Variants in ERBB4 observed in about 807,000 individuals in gnomAD.
ERBB4 encodes the protein receptor tyrosine-protein kinase erbB-4.
A neutral mutation model predicts 158.0 loss-of-function variants in ERBB4; 42 were observed. The ratio of observed to expected loss-of-function variants is 0.27; its 90% CI spans 0.21 to 0.34. The LOEUF is 0.34. Among genes scored for constraint, ERBB4 ranks in the 10% least tolerant of loss-of-function variants. ERBB4 has a pLI of 1.00. For synonymous variants in ERBB4, 583 were observed against 558.7 expected (o/e 1.04, Z -0.61); for missense variants, 1,333 against 1,624.1 (o/e 0.82, Z 3.08).
chr2:212,095,116 T>C (rs889264485), intron 2 of ERBB4, among the ~76,000 whole-genome samples: 2 of 152,196 alleles, frequency 1.3e-5, no homozygotes, highest in African/African-American at 4.8e-5. Context: ...TCTTGATTGC[T>C]AGATTGTAAG....
intron 1 of ERBB4, among the ~76,000 whole-genome samples, chr2:212,223,345 T>C (rs1241007614): frequency 1.4e-5 from 2 of 147,336 alleles, no homozygotes; most frequent in African/African-American, 4.9e-5. Context: ...TATATATATA[T>C]ATATAAAATT....
intron 1 of ERBB4, among the ~76,000 whole-genome samples, chr2:212,472,241 G>T (rs1486487876): frequency 7.4e-6 from 1 of 135,574 alleles, no homozygotes; most frequent in Non-Finnish European, 1.6e-5. Flanking sequence ...AGAGACCCAG[G>T]AGAGAGAGGA....
intron 1 of ERBB4, among the ~76,000 whole-genome samples, chr2:212,130,313 A>G (rs1241431239): frequency 6.6e-6 from 1 of 152,146 alleles, no homozygotes; most frequent in Non-Finnish European, 1.5e-5. Flanking sequence ...GTCCTAATAA[A>G]ATCCTCAATT....
chr2:212,436,201 T>A (rs947731818), intron 1 of ERBB4, among the ~76,000 whole-genome samples: 1 of 151,804 alleles, frequency 6.6e-6, no homozygotes, highest in Non-Finnish European at 1.5e-5. Context: ...ACATGGTAAA[T>A]AAAAAACCTC....
At chr2:212,055,012 C>G (rs1451656644) in intron 2 of ERBB4, among the ~76,000 whole-genome samples, 1 of 152,116 alleles carries the variant, frequency 6.6e-6, no homozygotes, top group African/African-American at 2.4e-5. Flanking sequence ...TATCTCCTCA[C>G]CCGGGAAGCA....
At chr2:211,816,893 A>G (rs2076890985) in intron 3 of ERBB4, among the ~76,000 whole-genome samples, 2 of 152,178 alleles carry the variant, frequency 1.3e-5, no homozygotes, top group Non-Finnish European at 2.9e-5. Context: ...CTGTGTTCCC[A>G]TAGGTACTGT....
chr2:212,506,342 A>T (rs6752016), intron 1 of ERBB4, among the ~76,000 whole-genome samples: 15,482 of 134,740 alleles, frequency 0.11, 2,560 homozygotes, highest in African/African-American at 0.33. Context: ...TGTTCAAGTA[A>T]AAAGAATTGC....
intron 2 of ERBB4, among the ~76,000 whole-genome samples, chr2:211,994,475 T>C (rs1459066801): frequency 1.3e-5 from 2 of 152,204 alleles, no homozygotes; most frequent in African/African-American, 4.8e-5. Flanking sequence ...TTTTTAGAAA[T>C]GTTTTATCAT....
At chr2:212,058,510 T>A (rs1351020998) in intron 2 of ERBB4, among the ~76,000 whole-genome samples, 2 of 152,068 alleles carry the variant, frequency 1.3e-5, no homozygotes, top group African/African-American at 2.4e-5. Flanking sequence ...TAGACCAATA[T>A]CCCTGATGAA....
intron 1 of ERBB4, among the ~76,000 whole-genome samples, chr2:212,188,235 C>CTCTCTCTCTCTCT (rs1559691606): frequency 1.2e-4 from 1 of 8,608 alleles, no homozygotes; most frequent in African/African-American, 3.2e-4. Context: ...TCTCTCTCTC[C>CTCTCTCTCTCTCT]CCCCCCCTCT....
At chr2:212,430,558 A>G (rs1402130481) in intron 1 of ERBB4, among the ~76,000 whole-genome samples, 4 of 151,842 alleles carry the variant, frequency 2.6e-5, no homozygotes, top group Non-Finnish European at 5.9e-5. Context: ...CTCCTGCCTC[A>G]GCCTCCCAAG....
intron 1 of ERBB4, among the ~76,000 whole-genome samples, chr2:212,481,618 T>C (rs1042459047): frequency 5.3e-5 from 8 of 152,118 alleles, no homozygotes; most frequent in Non-Finnish European, 1.2e-4. Flanking sequence ...CAACAATATA[T>C]TTGCAAAGCT....
At chr2:211,989,522 C>G (rs2082018596) in intron 2 of ERBB4, among the ~76,000 whole-genome samples, 1 of 151,744 alleles carries the variant, frequency 6.6e-6, no homozygotes, top group South Asian at 2.1e-4. Context: ...TCTGTTTAAT[C>G]AATTTAAAAT....
At chr2:212,078,341 A>C (rs1471235760) in intron 2 of ERBB4, among the ~76,000 whole-genome samples, 3 of 151,962 alleles carry the variant, frequency 2.0e-5, no homozygotes, top group Non-Finnish European at 4.4e-5. Context: ...CTATACCTCT[A>C]GTCCCGATCA....
intron 2 of ERBB4, among the ~76,000 whole-genome samples, chr2:212,072,036 C>T (rs887167907): frequency 6.6e-6 from 1 of 151,934 alleles, no homozygotes; most frequent in Non-Finnish European, 1.5e-5. Context: ...CTTCCATAGT[C>T]GTACAGGTAG....
intron 2 of ERBB4, among the ~76,000 whole-genome samples, chr2:212,022,377 T>C (rs1018539759): frequency 7.2e-5 from 11 of 152,100 alleles, no homozygotes; most frequent in African/African-American, 2.4e-4. Flanking sequence ...ATCGTGTCAT[T>C]TGCAGGGACG....
chr2:211,785,974 C>G (rs2076153666), intron 4 of ERBB4, among the ~76,000 whole-genome samples: 1 of 152,098 alleles, frequency 6.6e-6, no homozygotes, highest in South Asian at 2.1e-4. Flanking sequence ...CAGGATGCTA[C>G]AGTGTCCATT....
chr2:211,517,855 A>C (rs1157311334), intron 20 of ERBB4, among the ~76,000 whole-genome samples: 1 of 152,106 alleles, frequency 6.6e-6, no homozygotes, highest in African/African-American at 2.4e-5. Flanking sequence ...GATGTCTCCT[A>C]TGTTGATAAT....
chr2:211,617,240 C>G (rs147038640), intron 19 of ERBB4, among the ~76,000 whole-genome samples: 149 of 152,210 alleles, frequency 9.8e-4, no homozygotes, highest in African/African-American at 3.3e-3. Context: ...TCAGCTTTGG[C>G]TGTAGTCTAG....
Sources: gnomAD v4.1 joint callset for allele counts (sites outside exome capture counted in the v4.1 genomes callset) on GRCh38, gnomAD v4.1.1 for gene constraint, MANE v1.5 for transcripts, NCBI Gene and HGNC (gene_info 2026-07-23, HGNC 2026-07-21) for gene names.